Variants in ENPP3 observed in about 807,000 individuals in gnomAD.
The protein encoded by ENPP3 is ectonucleotide pyrophosphatase/phosphodiesterase 3, also known as ectonucleotide pyrophosphatase/phosphodiesterase family member 3.
In ENPP3, 104 loss-of-function variants were observed where a neutral mutation model predicts 117.8. The observed-to-expected ratio is 0.88, with a 90% confidence interval of 0.75 to 1.04. The LOEUF is 1.04. Among genes scored for constraint, ENPP3 ranks in the 50% least tolerant of loss-of-function variants. The pLI is 0.00. For synonymous variants in ENPP3, 380 were observed against 349.9 expected (o/e 1.09, Z -0.96); for missense variants, 1,026 against 1,051.9 (o/e 0.98, Z 0.34).
chr6:131,637,596 A>G, intron 1 of ENPP3, 134 bp downstream of exon 1: 1 of 452,102 alleles, frequency 2.2e-6, no homozygotes, highest in Non-Finnish European at 3.9e-6. Flanking sequence ...ATTATCCCTT[A>G]TGAAAACTCT....
In ENPP3 at chr6:131,637,699, T is replaced by C. The variant is rs75121173; in HGVS notation, c.78+237T>C. On this transcript the variant is annotated intron_variant, in intron 1 of 24. Transcript: ENST00000357639. ...CGTTAAACTCAAAAGTTGGAATCCATGACAGAACGCTTTGTGGCGCTGATT... is the reference window on the plus strand; with the variant it reads ...CGTTAAACTCAAAAGTTGGAATCCACGACAGAACGCTTTGTGGCGCTGATT... Among the ~76,000 whole-genome samples the C allele has an allele frequency of 3.0e-3, 453 of 152,334 alleles. 23 individuals are homozygous for C. In the East Asian group the frequency reaches 0.08, roughly 27 times the overall value.
At chr6:131,650,992 T>C (rs1778250447) in intron 3 of ENPP3, among the ~76,000 whole-genome samples, 1 of 152,120 alleles carries the variant, frequency 6.6e-6, no homozygotes, top group South Asian at 2.1e-4. Flanking sequence ...CAATCTTGGC[T>C]CACTGCAACC....
chr6:131,659,658 C>T (rs1277290281), intron 6 of ENPP3, among the ~76,000 whole-genome samples: 3 of 152,106 alleles, frequency 2.0e-5, no homozygotes, highest in Non-Finnish European at 2.9e-5. Context: ...TCACTACTTC[C>T]TGCAACTCAA....
At chr6:131,713,375 G>A (rs1779828000) in intron 15 of ENPP3, among the ~76,000 whole-genome samples, 1 of 150,118 alleles carries the variant, frequency 6.7e-6, no homozygotes, top group African/African-American at 2.5e-5. Flanking sequence ...ATGGTGGGAG[G>A]GTGAATCTGA....
In ENPP3 at chr6:131,743,021, A is replaced by G. The variant is rs567499576; in HGVS notation, c.2457+2641A>G. 7.9e-5 allele frequency among the ~76,000 whole-genome samples: 12 copies of G among 152,362 alleles called. No individual in the cohort carries two copies. The South Asian group carries it at 1.2e-3, about 16-fold the overall frequency. On this transcript the variant is annotated intron_variant, in intron 24 of 24. Transcript: ENST00000357639. Reference sequence around the variant, plus strand: ...GAATGTGACATCTGTATAGATAATTATTAGACAAAATGCAATGAGTATAAA... The same window carrying G: ...GAATGTGACATCTGTATAGATAATTGTTAGACAAAATGCAATGAGTATAAA...
intron 14 of ENPP3, 93 bp downstream of exon 14, chr6:131,686,000 C>G (rs1779146462): frequency 4.0e-6 from 2 of 497,476 alleles, no homozygotes; most frequent in African/African-American, 2.0e-5. Flanking sequence ...ATTTCTAAAT[C>G]TAAGCTACTT....
rs188609698 is a variant in ENPP3, at chr6:131,658,291, A to G, written c.465-32A>G. On this transcript the variant is annotated intron_variant, in intron 5 of 24. Transcript: ENST00000357639. ...TTTTGAGGTAAATGTAGCTATCCAA[A>G]ACAATGGACAAATTTTGTTTTCCAT... 2.4e-6 allele frequency: 3 copies of G among 1,237,126 alleles called. No individual in the cohort carries two copies. The East Asian group carries it at 7.0e-5, about 29-fold the overall frequency. The allele number at this position is 1,237,126 out of a possible 1,614,324, so 76.6% of individuals were successfully genotyped here. A position where few individuals can be genotyped will look rare whatever the true frequency, so the allele number is the denominator to read the frequency against.
chr6:131,645,846 A>G (rs1778142850), intron 2 of ENPP3, among the ~76,000 whole-genome samples: 1 of 152,030 alleles, frequency 6.6e-6, no homozygotes, highest in Admixed American at 6.6e-5. Context: ...ATATCTCTTA[A>G]TCCTATTGAT....
chr6:131,685,039 C>G (rs931676152), intron 12 of ENPP3, among the ~76,000 whole-genome samples: 11 of 152,286 alleles, frequency 7.2e-5, no homozygotes, highest in African/African-American at 2.6e-4. Context: ...CCCCCTCAGC[C>G]TCCCAAAGTG....
chr6:131,742,919 A>G (rs946007533), intron 24 of ENPP3, among the ~76,000 whole-genome samples: 57 of 152,202 alleles, frequency 3.7e-4, no homozygotes, highest in Admixed American at 3.0e-3. Context: ...ACAGAGCATC[A>G]TCTCTATTGA....
At position 131,706,231 on chromosome 6, in the gene ENPP3, T is replaced by C. The variant is rs1041966720; in HGVS notation, c.1413-12441T>C. On this transcript the variant is annotated intron_variant, in intron 15 of 24. Transcript: ENST00000357639. ...TCTTGGTAGAGATGGGGTTTCACCATGTTGGTCAGCGTTTTCTTGAACTCC... is the reference window on the plus strand; with the variant it reads ...TCTTGGTAGAGATGGGGTTTCACCACGTTGGTCAGCGTTTTCTTGAACTCC... Among the ~76,000 whole-genome samples, 20 of 133,046 alleles carry C rather than the reference T, an allele frequency of 1.5e-4. 1 individual carries two copies. Among genetic ancestry groups the C allele is most frequent in the Non-Finnish European group, 2.1e-4 (14 of 66,162 alleles). The allele number at this position is 133,046 out of a possible 152,430, so 87.3% of individuals were successfully genotyped here. A position where few individuals can be genotyped will look rare whatever the true frequency, so the allele number is the denominator to read the frequency against.
intron 23 of ENPP3, among the ~76,000 whole-genome samples, chr6:131,738,437 T>A (rs1404221110): frequency 2.0e-5 from 3 of 151,934 alleles, no homozygotes; most frequent in Non-Finnish European, 2.9e-5. Flanking sequence ...TGAAATTTTG[T>A]AAAGGCTAAG....
intron 15 of ENPP3, among the ~76,000 whole-genome samples, chr6:131,715,391 C>G (rs1779866524): frequency 7.4e-6 from 1 of 134,602 alleles, no homozygotes; most frequent in African/African-American, 3.5e-5. Flanking sequence ...GTGCAGAGAT[C>G]CTTGTGCAAG....
At chr6:131,726,286 A>G in intron 20 of ENPP3, 86 bp downstream of exon 20, 1 of 1,236,342 alleles carries the variant, frequency 8.1e-7, no homozygotes, top group Non-Finnish European at 1.2e-6. Context: ...GTTTTGCAGC[A>G]GAGATTCAAA....
At chr6:131,648,652 CA>C (rs1368133518) in intron 2 of ENPP3, among the ~76,000 whole-genome samples, 1 of 152,128 alleles carries the variant, frequency 6.6e-6, no homozygotes, top group Admixed American at 6.5e-5. Context: ...CACTGGTTTT[CA>C]AGGGATAGAA....
At chr6:131,678,092 T>C in intron 11 of ENPP3, 152 bp downstream of exon 11, 1 of 509,586 alleles carries the variant, frequency 2.0e-6, no homozygotes, top group African/African-American at 1.9e-5. Context: ...ATAAAAGGGA[T>C]GCCATGGTTC....
chr6:131,675,885 T>C (rs1315833857), intron 9 of ENPP3, among the ~76,000 whole-genome samples: 1 of 152,042 alleles, frequency 6.6e-6, no homozygotes, highest in Non-Finnish European at 1.5e-5. Context: ...GCAAGTCCAA[T>C]TATGGCATTA....
intron 18 of ENPP3, among the ~76,000 whole-genome samples, chr6:131,723,520 C>A (rs369000970): frequency 2.0e-5 from 3 of 152,290 alleles, no homozygotes; most frequent in East Asian, 3.9e-4. Flanking sequence ...GAAGCTTGTT[C>A]TATCTGGCTG....
chr6:131,643,861 T>G (rs1400627355), intron 2 of ENPP3, among the ~76,000 whole-genome samples: 1 of 151,944 alleles, frequency 6.6e-6, no homozygotes, highest in African/African-American at 2.4e-5. Context: ...AAACAAAATA[T>G]GTATATAATA....
Sources: allele counts gnomAD v4.1 joint callset (sites outside exome capture counted in the v4.1 genomes callset), GRCh38; gene constraint gnomAD v4.1.1; transcripts MANE v1.5; gene names NCBI Gene and HGNC (gene_info 2026-07-23, HGNC 2026-07-21).